ULK4: variants seen among roughly 807,000 people sequenced by gnomAD.
The protein encoded by ULK4 is unc-51 like kinase 4, also known as inactive serine/threonine-protein kinase ULK4.
Under a neutral mutation model 160.6 loss-of-function variants are expected in ULK4, and 133 were observed. The ratio of observed to expected loss-of-function variants is 0.83; its 90% CI spans 0.72 to 0.96. The LOEUF (loss-of-function observed/expected upper bound fraction) is 0.96, where lower values mean the gene tolerates loss of function less well. ULK4 is among the 40% of genes least tolerant of loss of function. The pLI is 0.00. For synonymous variants in ULK4, 534 were observed against 539.8 expected (o/e 0.99, Z 0.15); for missense variants, 1,580 against 1,499.5 (o/e 1.05, Z -0.89).
At position 41,908,006 on chromosome 3, in the gene ULK4, CT is replaced by C. The variant is rs146306835; in HGVS notation, c.1086-66del. On this transcript the variant is annotated intron_variant, in intron 11 of 36. Transcript: ENST00000301831. ...CAGTTTATTCTCTGTTTACTGTTTT[CT>C]GGAAGAAAACAAGTCTCATGAAAAA... 1,165 of 1,236,336 alleles carry C rather than the reference CT, an allele frequency of 9.4e-4. 7 individuals carry two copies. In the African/African-American group the frequency reaches 0.014, roughly 15 times the overall value. The allele number at this position is 1,236,336 out of a possible 1,614,324, so 76.6% of individuals were successfully genotyped here. A position where few individuals can be genotyped will look rare whatever the true frequency, so the allele number is the denominator to read the frequency against.
chr3:41,773,703 C>G (rs538174867), intron 21 of ULK4, among the ~76,000 whole-genome samples: 1 of 152,054 alleles, frequency 6.6e-6, no homozygotes, highest in Non-Finnish European at 1.5e-5. Context: ...ACTTTCTTCA[C>G]AGAATTGGAA....
intron 31 of ULK4, among the ~76,000 whole-genome samples, chr3:41,584,193 C>T (rs138820411): frequency 1.2e-3 from 187 of 152,230 alleles, no homozygotes; most frequent in African/African-American, 4.1e-3. Context: ...CAATCCCTGT[C>T]TTCTAACTTT....
intron 12 of ULK4, among the ~76,000 whole-genome samples, chr3:41,907,305 T>A (rs565045406): frequency 5.3e-4 from 80 of 151,090 alleles, no homozygotes; most frequent in African/African-American, 1.4e-3. Context: ...TTATTTATTT[T>A]TTTTTTTAAA....
Position 41,931,832 on chromosome 3 carries a change from A to G in ULK4, c.541+12T>C. On this transcript the variant is annotated intron_variant, in intron 5 of 36. Transcript: ENST00000301831. ...TAGAGTTATGATCTTTAAGCTTTCC[A>G]GGTCCACATACCTTTGACTCTACTT... The G allele has an allele frequency of 1.2e-6, 2 of 1,613,718 alleles. No individual in the cohort carries two copies. Among genetic ancestry groups the G allele is most frequent in the Non-Finnish European group, 1.7e-6 (2 of 1,179,764 alleles).
At chr3:41,926,905 C>T (rs1699405750) in intron 5 of ULK4, among the ~76,000 whole-genome samples, 1 of 152,164 alleles carries the variant, frequency 6.6e-6, no homozygotes, top group Non-Finnish European at 1.5e-5. Flanking sequence ...GAGAATGGAA[C>T]CAAGTTGGAA....
chr3:41,804,750 C>T (rs925690973), intron 19 of ULK4, among the ~76,000 whole-genome samples: 1 of 152,132 alleles, frequency 6.6e-6, no homozygotes, highest in African/African-American at 2.4e-5. Context: ...ATGCTTTCCC[C>T]ATTGCTTGTT....
rs116995511 is a variant in ULK4 at position 41,373,504 on chromosome 3, G to A, written c.3678+24575C>T. On this transcript the variant is annotated intron_variant, in intron 35 of 36. Coordinates refer to ENST00000301831, the MANE Select transcript of ULK4 (RefSeq NM_017886.4). ...AACTCACTCAAAACGGCACAACTACGTGGAAGCTGAACAACATGCTCCTGA... is the reference window on the plus strand; with the variant it reads ...AACTCACTCAAAACGGCACAACTACATGGAAGCTGAACAACATGCTCCTGA... Among the ~76,000 whole-genome samples, 378 of 152,152 alleles carry A rather than the reference G, an allele frequency of 2.5e-3. 2 individuals carry two copies. Among genetic ancestry groups the A allele is most frequent in the East Asian group, 0.015 (77 of 5,174 alleles).
chr3:41,297,427 G>A (rs1327632192), intron 35 of ULK4, among the ~76,000 whole-genome samples: 2 of 152,182 alleles, frequency 1.3e-5, no homozygotes, highest in African/African-American at 4.8e-5. Context: ...TACTGCACTG[G>A]CAAAACAGGG....
intron 21 of ULK4, among the ~76,000 whole-genome samples, chr3:41,758,913 G>GATGAAAC (rs2038894304): frequency 6.6e-6 from 1 of 150,722 alleles, no homozygotes; most frequent in African/African-American, 2.4e-5. Context: ...ATAATTAATT[G>GATGAAAC]ATGAAACAAG....
chr3:41,937,223 T>G, intron 3 of ULK4: 1 of 568,012 alleles, frequency 1.8e-6, no homozygotes, highest in Non-Finnish European at 3.2e-6. Flanking sequence ...ACAGTTAGGA[T>G]ATTACATCTG....
intron 22 of ULK4, among the ~76,000 whole-genome samples, chr3:41,749,383 T>C (rs1441310993): frequency 6.6e-6 from 1 of 152,110 alleles, no homozygotes; most frequent in Admixed American, 6.5e-5. Flanking sequence ...CTCAGGAGGC[T>C]GAGGCAGGAG....
At chr3:41,718,815 A>G (rs546598426) in intron 22 of ULK4, among the ~76,000 whole-genome samples, 6 of 152,350 alleles carry the variant, frequency 3.9e-5, no homozygotes, top group African/African-American at 1.2e-4. Flanking sequence ...CTTGATACTT[A>G]GCATTTATGT....
intron 32 of ULK4, among the ~76,000 whole-genome samples, chr3:41,542,448 T>C (rs532945765): frequency 1.3e-5 from 2 of 152,364 alleles, no homozygotes; most frequent in African/African-American, 4.8e-5. Flanking sequence ...TTGAGGATTT[T>C]TGCATCGATG....
At chr3:41,771,157 A>G (rs1260026642) in intron 21 of ULK4, among the ~76,000 whole-genome samples, 2 of 152,204 alleles carry the variant, frequency 1.3e-5, no homozygotes, top group African/African-American at 2.4e-5. Flanking sequence ...TTGCGTGCCT[A>G]AATCATATTC....
At position 41,510,248 on chromosome 3, in the gene ULK4, A is replaced by C. The variant is rs1247704336; in HGVS notation, c.3227-46995T>G. Among the ~76,000 whole-genome samples the C allele has an allele frequency of 3.3e-5, 5 of 152,228 alleles. No individual in the cohort carries two copies. In the East Asian group the frequency reaches 5.8e-4, roughly 18 times the overall value. On this transcript the variant is annotated intron_variant, in intron 32 of 36. Transcript: ENST00000301831. ...AAAAAGACAAAGAAGGACATTACAT[A>C]ATGATAAGAGGACTAGTACAACAGG...
chr3:41,715,936 A>G (rs1436033940), intron 23 of ULK4, among the ~76,000 whole-genome samples: 5 of 151,760 alleles, frequency 3.3e-5, no homozygotes, highest in Admixed American at 3.3e-4. Flanking sequence ...TAAATGGGCC[A>G]GGCGCAGTGG....
rs567104500 is a variant in ULK4, at chr3:41,859,719, A to T, written c.1657-23748T>A. The T allele has an allele frequency of 3.7e-5, 13 of 353,904 alleles. No homozygotes were observed. In the East Asian group the frequency reaches 9.8e-4, roughly 27 times the overall value. 21.9% of individuals were successfully genotyped at this position (353,904 alleles called of 1,614,324 possible). On this transcript the variant is annotated intron_variant, in intron 17 of 36. Transcript: ENST00000301831. ...TTCACCCAGGCTGGAGTGCAGTGGC[A>T]CAATCTCAGCTCACTGCAACCTCCA... is the stretch of plus-strand genomic sequence containing the variant.
intron 32 of ULK4, among the ~76,000 whole-genome samples, chr3:41,486,878 A>T (rs746352030): frequency 7.1e-6 from 1 of 140,858 alleles, no homozygotes; most frequent in Non-Finnish European, 1.6e-5. Flanking sequence ...GGAAATAAGG[A>T]TGCCTACTCT....
chr3:41,461,461 T>G (rs2083682285), intron 33 of ULK4, among the ~76,000 whole-genome samples: 1 of 152,182 alleles, frequency 6.6e-6, no homozygotes, highest in Admixed American at 6.5e-5. Flanking sequence ...TCCTCCTCCT[T>G]CATATTGACA....
Sources: gnomAD v4.1 joint callset for allele counts (sites outside exome capture counted in the v4.1 genomes callset) on GRCh38, gnomAD v4.1.1 for gene constraint, MANE v1.5 for transcripts, NCBI Gene and HGNC (gene_info 2026-07-23, HGNC 2026-07-21) for gene names.